XKR6: variants seen among roughly 807,000 people sequenced by gnomAD.
The protein encoded by XKR6 is XK-related protein 6.
XKR6 carries 22 observed loss-of-function variants against 56.7 expected under a neutral mutation model. The observed-to-expected ratio is 0.39, with a 90% CI of 0.28 to 0.55. The LOEUF (loss-of-function observed/expected upper bound fraction) is 0.55. Ranked by LOEUF, XKR6 falls within the 20% of genes least tolerant of loss-of-function variation. XKR6 has a pLI of 0.66. For synonymous variants in XKR6, 524 were observed against 387.8 expected, an observed-to-expected ratio of 1.35 and a Z score of -4.13; for missense variants, 852 against 889.0, an observed-to-expected ratio of 0.96 and a Z score of 0.53.
chr8:11,091,582 G>A (rs980805845), intron 1 of XKR6, among the ~76,000 whole-genome samples: 1 of 152,136 alleles, frequency 6.6e-6, no homozygotes, highest in Non-Finnish European at 1.5e-5. Flanking sequence ...GGGTCCAATG[G>A]TACCATTAAA....
At chr8:11,043,120 G>T (rs1799326136) in intron 1 of XKR6, among the ~76,000 whole-genome samples, 1 of 152,038 alleles carries the variant, frequency 6.6e-6, no homozygotes, top group Admixed American at 6.5e-5. Context: ...GGAACTCCAT[G>T]CATTATGGGA....
intron 1 of XKR6, among the ~76,000 whole-genome samples, chr8:11,153,997 T>G (rs1450511008): frequency 6.6e-6 from 1 of 152,144 alleles, no homozygotes; most frequent in Admixed American, 6.5e-5. Flanking sequence ...AACATAAAAC[T>G]CACTGCAATC....
chr8:11,011,522 C>T (rs12216875), intron 1 of XKR6, among the ~76,000 whole-genome samples: 6 of 152,124 alleles, frequency 3.9e-5, no homozygotes, highest in Non-Finnish European at 8.8e-5. Context: ...CTAAGTGCCA[C>T]GTCTATTCCA....
intron 1 of XKR6, among the ~76,000 whole-genome samples, chr8:10,964,407 G>A (rs1484160094): frequency 6.6e-6 from 1 of 152,202 alleles, no homozygotes; most frequent in African/African-American, 2.4e-5. Context: ...TGGAGGCTCC[G>A]AACCACTCAC....
chr8:10,921,035 C>T (rs778723310), intron 2 of XKR6, among the ~76,000 whole-genome samples: 2 of 152,258 alleles, frequency 1.3e-5, no homozygotes, highest in African/African-American at 2.4e-5. Context: ...GACACTGGGT[C>T]ACTCCCAGCT....
chr8:11,142,842 G>A (rs746900135), intron 1 of XKR6, among the ~76,000 whole-genome samples: 10 of 152,210 alleles, frequency 6.6e-5, no homozygotes, highest in Non-Finnish European at 1.0e-4. Context: ...GAGCTTCAAT[G>A]AGGATGAGAA....
intron 1 of XKR6, among the ~76,000 whole-genome samples, chr8:10,997,974 T>C (rs368591667): frequency 2.0e-5 from 3 of 152,082 alleles, no homozygotes; most frequent in African/African-American, 7.2e-5. Context: ...TTTACAAAGA[T>C]TCTAACCCCA....
At chr8:10,935,447 G>C (rs1801182015) in intron 1 of XKR6, among the ~76,000 whole-genome samples, 1 of 105,238 alleles carries the variant, frequency 9.5e-6, no homozygotes, top group Non-Finnish European at 2.0e-5. Context: ...GCTAGCTTTT[G>C]AATGTGTTTG....
intron 1 of XKR6, among the ~76,000 whole-genome samples, chr8:11,096,924 G>A (rs1264565556): frequency 6.6e-6 from 1 of 152,202 alleles, no homozygotes; most frequent in Admixed American, 6.5e-5. Context: ...TTTCAGGATG[G>A]CAGATTCTGA....
chr8:10,996,474 T>G (rs1330142389), intron 1 of XKR6, among the ~76,000 whole-genome samples: 2 of 152,196 alleles, frequency 1.3e-5, no homozygotes, highest in African/African-American at 4.8e-5. Flanking sequence ...CCAGAGCACA[T>G]CTCTATACTG....
chr8:10,922,500 G>A (rs77666508), intron 2 of XKR6, among the ~76,000 whole-genome samples: 29 of 152,174 alleles, frequency 1.9e-4, no homozygotes, highest in Non-Finnish European at 3.5e-4. Flanking sequence ...GCAAGAATGC[G>A]CATTTCAAAG....
At chr8:10,958,784 G>A (rs746503830) in intron 1 of XKR6, among the ~76,000 whole-genome samples, 1 of 152,184 alleles carries the variant, frequency 6.6e-6, no homozygotes, top group African/African-American at 2.4e-5. Context: ...CTCATCACTG[G>A]ATGAGAAAGT....
At chr8:10,987,074 A>G (rs1447541167) in intron 1 of XKR6, among the ~76,000 whole-genome samples, 1 of 149,072 alleles carries the variant, frequency 6.7e-6, no homozygotes, top group East Asian at 1.9e-4. Context: ...TTTAAGGATT[A>G]AAGGGCATGT....
At chr8:11,091,307 G>A (rs1053821069) in intron 1 of XKR6, among the ~76,000 whole-genome samples, 2 of 151,990 alleles carry the variant, frequency 1.3e-5, no homozygotes, top group African/African-American at 4.8e-5. Flanking sequence ...GTGTGGTGGT[G>A]CATGCCCACA....
intron 1 of XKR6, among the ~76,000 whole-genome samples, chr8:10,963,825 C>G (rs1015836828): frequency 1.3e-5 from 2 of 152,140 alleles, no homozygotes; most frequent in African/African-American, 4.8e-5. Flanking sequence ...ATTCCAGGTA[C>G]CCAGACAAGA....
chr8:11,169,452 T>G (rs1802252256), intron 1 of XKR6, among the ~76,000 whole-genome samples: 2 of 151,818 alleles, frequency 1.3e-5, no homozygotes, highest in Non-Finnish European at 2.9e-5. Flanking sequence ...TATTTGGTCT[T>G]AAAAAAAAGG....
At chr8:11,019,264 C>A (rs1165832121) in intron 1 of XKR6, among the ~76,000 whole-genome samples, 1 of 152,188 alleles carries the variant, frequency 6.6e-6, no homozygotes, top group Non-Finnish European at 1.5e-5. Flanking sequence ...TCCCTCTCCT[C>A]TCTGACTTGC....
chr8:11,011,635 G>C (rs75739447), intron 1 of XKR6, among the ~76,000 whole-genome samples: 1 of 152,190 alleles, frequency 6.6e-6, no homozygotes, highest in Non-Finnish European at 1.5e-5. Flanking sequence ...AAGTAATAGA[G>C]ATGGCAATAA....
chr8:11,157,067 T>C (rs771727606), intron 1 of XKR6, among the ~76,000 whole-genome samples: 9 of 152,160 alleles, frequency 5.9e-5, no homozygotes, highest in Admixed American at 2.0e-4. Context: ...GGGTATTGTT[T>C]CCAAAAATCC....
Sources: allele counts gnomAD v4.1 joint callset (sites outside exome capture counted in the v4.1 genomes callset), GRCh38; gene constraint gnomAD v4.1.1; transcripts MANE v1.5; gene names NCBI Gene and HGNC (gene_info 2026-07-23, HGNC 2026-07-21).